The following THSD7B variants were observed in gnomAD, a reference collection of about 807,000 sequenced individuals.
The protein encoded by THSD7B is thrombospondin type 1 domain containing 7B.
A neutral mutation model predicts 213.6 loss-of-function variants in THSD7B; 138 were observed. The observed-to-expected ratio is 0.65, with a 90% confidence interval of 0.56 to 0.74. The LOEUF (loss-of-function observed/expected upper bound fraction) is 0.74, where lower values mean the gene tolerates loss of function less well. Ranked by LOEUF, THSD7B falls within the 30% of genes least tolerant of loss-of-function variation. THSD7B has a pLI of 0.00. For synonymous variants in THSD7B, 742 were observed against 687.0 expected (o/e 1.08, Z -1.25); for missense variants, 1,931 against 1,991.5 (o/e 0.97, Z 0.58).
intron 1 of THSD7B, among the ~76,000 whole-genome samples, chr2:136,779,097 T>C (rs973103704): frequency 2.6e-5 from 4 of 152,156 alleles, no homozygotes; most frequent in African/African-American, 9.7e-5. Context: ...AGTTTTATTT[T>C]TATGAAGTGT....
In THSD7B at chr2:137,580,343, G is replaced by A. The variant is rs186973842; in HGVS notation, c.3423+7787G>A. ...CCATCTGTGTATCTAATTGGTTAGTGCAAATGTCTGAAGAAACAAATGGGT... is the reference window on the plus strand; with the variant it reads ...CCATCTGTGTATCTAATTGGTTAGTACAAATGTCTGAAGAAACAAATGGGT... On this transcript the variant is annotated intron_variant, in intron 17 of 27. Transcript: ENST00000409968. Among the ~76,000 whole-genome samples the A allele has an allele frequency of 5.0e-4, 76 of 152,128 alleles. 1 individual carries two copies. The Middle Eastern group carries it at 0.01, about 21-fold the overall frequency.
chr2:137,259,909 TTGTG>T (rs1682401306), intron 10 of THSD7B, among the ~76,000 whole-genome samples: 1 of 151,838 alleles, frequency 6.6e-6, no homozygotes, highest in Non-Finnish European at 1.5e-5. Flanking sequence ...TTTTCTTTAT[TTGTG>T]TGTGTGCGTG....
chr2:137,257,479 C>A (rs1682337284), intron 10 of THSD7B, among the ~76,000 whole-genome samples: 1 of 152,314 alleles, frequency 6.6e-6, no homozygotes, highest in East Asian at 1.9e-4. Context: ...GGGTATCTCA[C>A]AAAGTCCCCA....
intron 7 of THSD7B, among the ~76,000 whole-genome samples, chr2:137,175,873 G>T (rs1325991984): frequency 6.6e-6 from 1 of 152,164 alleles, no homozygotes; most frequent in Non-Finnish European, 1.5e-5. Flanking sequence ...ACCTGTGAGA[G>T]TAATGTCAGA....
At chr2:137,147,571 T>C (rs1679728404) in intron 5 of THSD7B, among the ~76,000 whole-genome samples, 1 of 152,012 alleles carries the variant, frequency 6.6e-6, no homozygotes, top group African/African-American at 2.4e-5. Context: ...GTTTAAGCTT[T>C]GGAGTTTGTG....
intron 5 of THSD7B, among the ~76,000 whole-genome samples, chr2:137,153,696 T>C: frequency 6.6e-6 from 1 of 152,192 alleles, no homozygotes; most frequent in Non-Finnish European, 1.5e-5. Flanking sequence ...TAAAATTATT[T>C]ATCTTTCCCC....
intron 2 of THSD7B, among the ~76,000 whole-genome samples, chr2:136,998,261 CAAA>C (rs33931359): frequency 0.13 from 12,749 of 98,370 alleles, 634 homozygotes; most frequent in African/African-American, 0.17. Context: ...ACTAAAAGGC[CAAA>C]AAAAAAAAAA....
intron 12 of THSD7B, among the ~76,000 whole-genome samples, chr2:137,399,907 A>T (rs1029125789): frequency 1.3e-5 from 2 of 151,656 alleles, no homozygotes; most frequent in Non-Finnish European, 2.9e-5. Flanking sequence ...TTTTCTCTTT[A>T]TTTTTGTCTG....
At chr2:137,056,142 C>CATGATAA (rs1687159333) in intron 2 of THSD7B, among the ~76,000 whole-genome samples, 1 of 152,152 alleles carries the variant, frequency 6.6e-6, no homozygotes, top group Admixed American at 6.5e-5. Flanking sequence ...AGCAATTCTA[C>CATGATAA]AAGTCGGTGC....
chr2:137,661,226 C>T (rs1401286835), intron 25 of THSD7B, among the ~76,000 whole-genome samples: 1 of 152,054 alleles, frequency 6.6e-6, no homozygotes, highest in African/African-American at 2.4e-5. Flanking sequence ...TAGGAATCTT[C>T]ATCCATCATG....
chr2:137,220,036 A>G (rs1461526864), intron 7 of THSD7B, among the ~76,000 whole-genome samples: 1 of 152,170 alleles, frequency 6.6e-6, no homozygotes, highest in Non-Finnish European at 1.5e-5. Flanking sequence ...TCTATCCAAA[A>G]TTATAAAATT....
intron 3 of THSD7B, among the ~76,000 whole-genome samples, chr2:137,092,857 C>T (rs527296180): frequency 5.9e-5 from 9 of 152,230 alleles, no homozygotes; most frequent in Non-Finnish European, 1.0e-4. Flanking sequence ...AGGCTGGTCT[C>T]GAACTCCTGA....
chr2:137,150,574 C>A (rs934763414), intron 5 of THSD7B, among the ~76,000 whole-genome samples: 1 of 152,130 alleles, frequency 6.6e-6, no homozygotes, highest in African/African-American at 2.4e-5. Flanking sequence ...TCCATGATTG[C>A]AAGTTTCCTG....
rs79802471 is a variant in THSD7B at position 137,343,943 on chromosome 2, T to A, written c.2501-61670T>A. 2.9e-3 allele frequency among the ~76,000 whole-genome samples: 441 copies of A among 151,832 alleles called. 3 individuals carry two copies. The highest frequency in any genetic ancestry group is 1.6e-3 in the Non-Finnish European group (108 of 67,780). On this transcript the variant is annotated intron_variant, in intron 12 of 27. Coordinates refer to ENST00000409968, the MANE Select transcript of THSD7B (RefSeq NM_001316349.2). ...AGGAAGCACTAATCTCAAATACACA[T>A]GTTGAGTTCTTTGAAATGGCCTAAA...
At chr2:137,067,248 T>C (rs1573800141) in intron 3 of THSD7B, among the ~76,000 whole-genome samples, 1 of 152,134 alleles carries the variant, frequency 6.6e-6, no homozygotes, top group African/African-American at 2.4e-5. Flanking sequence ...TGCTGTGTAA[T>C]GTTTTGTTGA....
At chr2:137,315,585 CT>C (rs997052602) in intron 12 of THSD7B, among the ~76,000 whole-genome samples, 12 of 150,170 alleles carry the variant, frequency 8.0e-5, no homozygotes, top group South Asian at 4.2e-4. Context: ...TCTCTATCAA[CT>C]TTTTTTTTTC....
intron 2 of THSD7B, among the ~76,000 whole-genome samples, chr2:136,968,715 T>C (rs1350091718): frequency 6.6e-6 from 1 of 152,168 alleles, no homozygotes; most frequent in Non-Finnish European, 1.5e-5. Flanking sequence ...TATATCATTT[T>C]TTAAAAGATT....
chr2:137,632,904 T>C (rs1471627139), intron 20 of THSD7B, among the ~76,000 whole-genome samples: 1 of 152,152 alleles, frequency 6.6e-6, no homozygotes, highest in Non-Finnish European at 1.5e-5. Flanking sequence ...TTAAGTTGGA[T>C]CTTCTCTAGG....
intron 14 of THSD7B, among the ~76,000 whole-genome samples, chr2:137,440,859 T>TA (rs1687394054): frequency 1.3e-5 from 2 of 152,048 alleles, no homozygotes; most frequent in Non-Finnish European, 2.9e-5. Context: ...AGAAGAGAAA[T>TA]ACTTTTCTTC....
Sources: allele counts gnomAD v4.1 joint callset (sites outside exome capture counted in the v4.1 genomes callset), GRCh38; gene constraint gnomAD v4.1.1; transcripts MANE v1.5; gene names NCBI Gene and HGNC (gene_info 2026-07-23, HGNC 2026-07-21).